The following ITPR1 variants were observed in gnomAD, a reference collection of about 807,000 sequenced individuals.
ITPR1 encodes the protein inositol 1,4,5-trisphosphate receptor type 1.
ITPR1 carries 96 observed loss-of-function variants against 318.4 expected under a neutral mutation model. The observed-to-expected ratio is 0.30, with a 90% CI of 0.26 to 0.36. The LOEUF (loss-of-function observed/expected upper bound fraction) is 0.36, where lower values mean the gene tolerates loss of function less well. ITPR1 is among the 10% of genes least tolerant of loss of function. ITPR1 has a pLI of 1.00. For synonymous variants in ITPR1, 1,312 were observed against 1,289.9 expected (o/e 1.02, Z -0.37); for missense variants, 2,440 against 3,460.2 (o/e 0.71, Z 7.40).
intron 4 of ITPR1, among the ~76,000 whole-genome samples, chr3:4,596,569 G>A (rs1461619968): frequency 1.3e-5 from 2 of 152,218 alleles, no homozygotes; most frequent in African/African-American, 4.8e-5. Flanking sequence ...GAACCAGGTT[G>A]TTATTGTAAT....
rs530733801 is a variant in ITPR1 at position 4,712,502 on chromosome 3, C to T, written c.5103+634C>T. Among the ~76,000 whole-genome samples, 188 of 152,308 alleles carry T rather than the reference C, an allele frequency of 1.2e-3. 1 individual carries two copies. The highest frequency in any genetic ancestry group is 4.4e-3 in the African/African-American group (183 of 41,568). On this transcript the variant is annotated intron_variant, in intron 39 of 61. Coordinates refer to ENST00000649015, the MANE Select transcript of ITPR1 (RefSeq NM_001378452.1). ...TCAGCCCCCAGCAACAAATGATGGG[C>T]GTGAATTGAAATCTCACTCATTTTC...
At position 4,829,083 on chromosome 3, in the gene ITPR1, CA is replaced by C. The variant is rs570083280; in HGVS notation, c.8029-7690del. Among the ~76,000 whole-genome samples the C allele has an allele frequency of 8.5e-5, 13 of 152,250 alleles. No homozygotes were observed. In the East Asian group the frequency reaches 2.5e-3, roughly 29 times the overall value. On this transcript the variant is annotated intron_variant, in intron 60 of 61. Coordinates refer to ENST00000649015, the MANE Select transcript of ITPR1 (RefSeq NM_001378452.1). ...TATAATACTTTTGCATAATGCTTTC[CA>C]GTTTGTGGGACATTTTTATAGCCAT... is the stretch of plus-strand genomic sequence containing the variant.
intron 54 of ITPR1, among the ~76,000 whole-genome samples, chr3:4,800,844 C>T (rs992531787): frequency 1.3e-5 from 2 of 152,150 alleles, no homozygotes; most frequent in Admixed American, 1.3e-4. Context: ...AGGGACTATC[C>T]CTGTCAGGAG....
At chr3:4,614,362 G>A (rs968203714) in intron 4 of ITPR1, among the ~76,000 whole-genome samples, 1 of 152,216 alleles carries the variant, frequency 6.6e-6, no homozygotes, top group Non-Finnish European at 1.5e-5. Flanking sequence ...GCAGTGTAAC[G>A]TGGCTGTGTC....
chr3:4,688,377 C>A, intron 30 of ITPR1, 118 bp from the exon 31 acceptor site: 1 of 1,229,658 alleles, frequency 8.1e-7, no homozygotes, highest in Non-Finnish European at 1.2e-6. Flanking sequence ...AATATTTACC[C>A]ACAACAGGTC....
intron 3 of ITPR1, 38 bp downstream of exon 3, chr3:4,516,621 T>A: frequency 2.5e-6 from 3 of 1,223,660 alleles, no homozygotes; most frequent in Non-Finnish European, 3.6e-6. Flanking sequence ...ACGGTTTGTT[T>A]AAGACATCAT....
chr3:4,600,781 A>G (rs962167069), intron 4 of ITPR1, among the ~76,000 whole-genome samples: 1 of 151,440 alleles, frequency 6.6e-6, no homozygotes, highest in Non-Finnish European at 1.5e-5. Flanking sequence ...AAATTGATTC[A>G]CTCCCCACCC....
intron 4 of ITPR1, among the ~76,000 whole-genome samples, chr3:4,587,488 C>G (rs2090026198): frequency 2.6e-5 from 4 of 152,150 alleles, no homozygotes; most frequent in Admixed American, 6.5e-5. Flanking sequence ...CCAGGATGGT[C>G]TCAAACTCCT....
intron 6 of ITPR1, among the ~76,000 whole-genome samples, chr3:4,640,461 A>G (rs2093311676): frequency 6.6e-6 from 1 of 152,150 alleles, no homozygotes; most frequent in Non-Finnish European, 1.5e-5. Context: ...CCTCTTCAGA[A>G]TGGACACAGG....
chr3:4,768,274 C>T, intron 45 of ITPR1: 1 of 413,352 alleles, frequency 2.4e-6, no homozygotes, highest in Non-Finnish European at 4.3e-6. Flanking sequence ...GGCTTTTCCT[C>T]TGAAACACAC....
At chr3:4,502,820 G>T (rs1038686729) in intron 2 of ITPR1, among the ~76,000 whole-genome samples, 9 of 151,996 alleles carry the variant, frequency 5.9e-5, no homozygotes, top group Admixed American at 1.3e-4. Flanking sequence ...CGTGGCTCAC[G>T]CCTGTAATCC....
chr3:4,756,809 G>GAC (rs2045030963), intron 44 of ITPR1, among the ~76,000 whole-genome samples: 1 of 152,218 alleles, frequency 6.6e-6, no homozygotes, highest in Non-Finnish European at 1.5e-5. Context: ...ATGCAAGTTG[G>GAC]ACACTAGTCT....
At chr3:4,842,763 CAA>C (rs1487200421) in intron 61 of ITPR1, among the ~76,000 whole-genome samples, 4 of 152,058 alleles carry the variant, frequency 2.6e-5, no homozygotes, top group Admixed American at 6.5e-5. Context: ...TTTTTTTACT[CAA>C]GAGTCAATTT....
At chr3:4,614,780 C>T (rs542309561) in intron 4 of ITPR1, among the ~76,000 whole-genome samples, 1 of 152,308 alleles carries the variant, frequency 6.6e-6, no homozygotes, top group East Asian at 1.9e-4. Flanking sequence ...GACAAGGCTG[C>T]TCACCCAGGG....
Position 4,685,150 on chromosome 3 carries a change from C to T in ITPR1, c.3646C>T (p.Arg1216Trp), listed in dbSNP as rs2094369923. Residue 1216 changes from arginine to tryptophan, a missense_variant, in exon 30 of 62, where the codon CGG becomes TGG. Arg to Trp is a moderately radical substitution (Grantham distance 101). Transcript: ENST00000649015. Reference protein sequence around the residue: ...KSRKQQQRLLRNMGAHAVVLE... With the variant: ...KSRKQQQRLLWNMGAHAVVLE... ...CAGGAAGCAGCAACAGCGTCTGCTC[C>T]GGAACATGGGCGCGCACGCCGTGGT... 3 of 1,609,622 alleles carry T rather than the reference C, an allele frequency of 1.9e-6. No homozygotes were observed. The highest frequency in any genetic ancestry group is 1.3e-5 in the African/African-American group (1 of 75,018).
chr3:4,511,968 C>T (rs1163033586), intron 2 of ITPR1, among the ~76,000 whole-genome samples: 2 of 152,000 alleles, frequency 1.3e-5, no homozygotes, highest in East Asian at 1.9e-4. Flanking sequence ...CTTTGTGGGG[C>T]TAAGGGAGGG....
chr3:4,533,961 C>T (rs1002522265), intron 4 of ITPR1, among the ~76,000 whole-genome samples: 2 of 152,174 alleles, frequency 1.3e-5, no homozygotes, highest in African/African-American at 4.8e-5. Context: ...GAAGTTATTG[C>T]CAATCTGCTC....
At chr3:4,721,486 G>A (rs956973359) in intron 40 of ITPR1, among the ~76,000 whole-genome samples, 3 of 152,194 alleles carry the variant, frequency 2.0e-5, no homozygotes, top group Admixed American at 1.3e-4. Flanking sequence ...AAAGCTTTCT[G>A]TTTTCTTAGT....
chr3:4,577,728 A>T (rs768171256), intron 4 of ITPR1, among the ~76,000 whole-genome samples: 1 of 152,246 alleles, frequency 6.6e-6, no homozygotes, highest in Non-Finnish European at 1.5e-5. Flanking sequence ...TTTGTACGTC[A>T]CTGAAAAAAG....
Sources: gnomAD v4.1 joint callset for allele counts (sites outside exome capture counted in the v4.1 genomes callset) on GRCh38, gnomAD v4.1.1 for gene constraint, MANE v1.5 for transcripts, NCBI Gene and HGNC (gene_info 2026-07-23, HGNC 2026-07-21) for gene names.